The following DAB1 variants were observed in gnomAD, a reference collection of about 807,000 sequenced individuals.
The protein encoded by DAB1 is DAB adaptor protein 1, also known as disabled homolog 1.
DAB1 carries 15 observed loss-of-function variants against 64.6 expected under a neutral mutation model. The observed-to-expected ratio is 0.23, with a 90% CI of 0.16 to 0.36. The LOEUF (loss-of-function observed/expected upper bound fraction) is 0.36. DAB1 is among the 10% of genes least tolerant of loss of function. The pLI is 1.00. For missense variants in DAB1, 596 were observed against 706.7 expected (o/e 0.84, Z 1.78); for synonymous variants, 235 against 251.9 (o/e 0.93, Z 0.64).
chr1:57,180,228 A>G (rs1369982091), intron 2 of DAB1, among the ~76,000 whole-genome samples: 1 of 152,130 alleles, frequency 6.6e-6, no homozygotes, highest in East Asian at 1.9e-4. Flanking sequence ...TGACCCCTAA[A>G]CTGCACCTTC....
chr1:57,841,444 C>T (rs1653043333), intron 1 of DAB1, among the ~76,000 whole-genome samples: 1 of 152,212 alleles, frequency 6.6e-6, no homozygotes, highest in South Asian at 2.1e-4. Context: ...GCTCCAATCC[C>T]ACATTTCCCC....
chr1:57,477,909 A>AT (rs200434098), intron 7 of DAB1, among the ~76,000 whole-genome samples: 1,856 of 151,988 alleles, frequency 0.012, 31 homozygotes, highest in Middle Eastern at 0.044. Flanking sequence ...ACTCTATCCT[A>AT]TTTTTTTTAA....
At chr1:58,472,692 C>T (rs58599281) in intron 3 of DAB1, among the ~76,000 whole-genome samples, 1 of 152,320 alleles carries the variant, frequency 6.6e-6, no homozygotes, top group East Asian at 1.9e-4. Context: ...TGGGTAATGG[C>T]TGGTTATTAC....
chr1:57,001,706 T>G (rs1453550705), intron 14 of DAB1, among the ~76,000 whole-genome samples: 1 of 152,184 alleles, frequency 6.6e-6, no homozygotes, highest in East Asian at 1.9e-4. Flanking sequence ...AAACCCTACT[T>G]GGGGTTCACC....
chr1:57,938,449 C>T (rs1645058333), intron 5 of DAB1, among the ~76,000 whole-genome samples: 1 of 152,024 alleles, frequency 6.6e-6, no homozygotes, highest in Admixed American at 6.6e-5. Context: ...GGCAGTTCCC[C>T]CCATGCTGTT....
intron 5 of DAB1, among the ~76,000 whole-genome samples, chr1:57,951,516 C>T (rs944209977): frequency 4.0e-5 from 6 of 151,682 alleles, no homozygotes; most frequent in Non-Finnish European, 5.9e-5. Flanking sequence ...TTGAAATAAG[C>T]GATAAACCTT....
At chr1:57,538,789 G>A (rs571040028) in intron 7 of DAB1, among the ~76,000 whole-genome samples, 1 of 152,218 alleles carries the variant, frequency 6.6e-6, no homozygotes, top group Non-Finnish European at 1.5e-5. Flanking sequence ...GGAGGGCAGA[G>A]CAGCAAACAA....
chr1:58,521,629 A>G (rs533924293), intron 2 of DAB1, among the ~76,000 whole-genome samples: 12 of 152,236 alleles, frequency 7.9e-5, no homozygotes, highest in African/African-American at 2.2e-4. Flanking sequence ...TTAAAATATA[A>G]TAAGAGTATA....
intron 2 of DAB1, among the ~76,000 whole-genome samples, chr1:57,152,425 T>C (rs189044879): frequency 9.2e-5 from 14 of 152,358 alleles, no homozygotes; most frequent in Non-Finnish European, 1.5e-4. Context: ...GAATTGAATT[T>C]TCAATGTAGC....
In DAB1 at chr1:57,663,255, T is replaced by C. The variant is rs1423282725; in HGVS notation, n.552-13590A>G. Among the ~76,000 whole-genome samples the C allele has an allele frequency of 5.9e-5, 9 of 152,186 alleles. No individual in the cohort carries two copies. In the East Asian group the frequency reaches 1.5e-3, roughly 26 times the overall value. On this transcript the variant is annotated intron_variant and non_coding_transcript_variant, in intron 6 of 20. Coordinates refer to the DAB1 transcript ENST00000485760. ...TCTCAGGCAAACTCACTCACAATCA[T>C]GAGAACAGTGAGGGGGAAGTCCACC...
intron 4 of DAB1, among the ~76,000 whole-genome samples, chr1:58,309,051 A>G (rs544801693): frequency 6.6e-6 from 1 of 152,322 alleles, no homozygotes; most frequent in Non-Finnish European, 1.5e-5. Flanking sequence ...AATTGAGCTG[A>G]AGAAGAAAGA....
intron 1 of DAB1, among the ~76,000 whole-genome samples, chr1:57,859,339 T>C (rs1182105218): frequency 6.6e-6 from 1 of 152,184 alleles, no homozygotes; most frequent in African/African-American, 2.4e-5. Flanking sequence ...CCTCTGACTA[T>C]ATGTTATTAT....
At chr1:57,830,847 G>C (rs1652553202) in intron 1 of DAB1, among the ~76,000 whole-genome samples, 1 of 152,164 alleles carries the variant, frequency 6.6e-6, no homozygotes, top group Non-Finnish European at 1.5e-5. Flanking sequence ...CAAAAATCTT[G>C]AGTACTAAGT....
intron 9 of DAB1, among the ~76,000 whole-genome samples, chr1:57,034,888 G>A (rs1647089263): frequency 6.6e-6 from 1 of 152,186 alleles, no homozygotes; most frequent in African/African-American, 2.4e-5. Context: ...ACATGTGACT[G>A]TTACTTCCCT....
intron 5 of DAB1, among the ~76,000 whole-genome samples, chr1:58,055,184 A>C (rs1316060232): frequency 6.6e-6 from 1 of 152,154 alleles, no homozygotes; most frequent in Non-Finnish European, 1.5e-5. Context: ...CAGAACACAG[A>C]CCTTCAAAGA....
chr1:58,434,350 T>C (rs1008621375), intron 3 of DAB1, among the ~76,000 whole-genome samples: 5 of 150,926 alleles, frequency 3.3e-5, no homozygotes, highest in African/African-American at 7.3e-5. Context: ...AGTAGCTCTC[T>C]GGATATAAAC....
intron 6 of DAB1, among the ~76,000 whole-genome samples, chr1:57,715,621 G>T (rs568337185): frequency 1.6e-4 from 24 of 152,026 alleles, no homozygotes; most frequent in Non-Finnish European, 3.1e-4. Flanking sequence ...ATATAATATT[G>T]GTAGCATTTC....
intron 4 of DAB1, among the ~76,000 whole-genome samples, chr1:58,259,404 G>C (rs1661002534): frequency 6.6e-6 from 1 of 152,206 alleles, no homozygotes; most frequent in Admixed American, 6.5e-5. Context: ...TCAGGGCTCA[G>C]TTCAGAGACT....
chr1:57,201,174 G>T (rs1218143437), intron 2 of DAB1, among the ~76,000 whole-genome samples: 2 of 152,074 alleles, frequency 1.3e-5, no homozygotes, highest in Non-Finnish European at 2.9e-5. Context: ...TTGCTATAGG[G>T]TTTTTGTGGC....
Sources: allele counts gnomAD v4.1 joint callset (sites outside exome capture counted in the v4.1 genomes callset), GRCh38; gene constraint gnomAD v4.1.1; transcripts MANE v1.5; gene names NCBI Gene and HGNC (gene_info 2026-07-23, HGNC 2026-07-21).